Variants in SLC44A3 observed in about 807,000 individuals in gnomAD.
SLC44A3 encodes solute carrier family 44 member 3, also known as choline transporter-like protein 3.
A neutral mutation model predicts 75.4 loss-of-function variants in SLC44A3; 74 were observed. The observed-to-expected ratio is 0.98, with a 90% CI of 0.81 to 1.19. The LOEUF (loss-of-function observed/expected upper bound fraction) is 1.19, where lower values mean the gene tolerates loss of function less well. Among genes scored for constraint, SLC44A3 ranks in the 50% most tolerant of loss-of-function variants. The pLI is 0.00. For missense variants in SLC44A3, 700 were observed against 778.6 expected, an observed-to-expected ratio of 0.90 and a Z score of 1.20; for synonymous variants, 310 against 296.9, an observed-to-expected ratio of 1.04 and a Z score of -0.45.
At chr1:94,853,912 A>G (rs1362782496) in intron 9 of SLC44A3, among the ~76,000 whole-genome samples, 2 of 150,084 alleles carry the variant, frequency 1.3e-5, no homozygotes, top group Admixed American at 1.3e-4. Flanking sequence ...GCTGAGGTCC[A>G]GCATAATACC....
intron 6 of SLC44A3, among the ~76,000 whole-genome samples, chr1:94,838,098 C>G (rs761342492): frequency 3.9e-5 from 6 of 152,222 alleles, no homozygotes; most frequent in Non-Finnish European, 7.4e-5. Context: ...CCTTGATATA[C>G]TGACTATGTT....
intron 12 of SLC44A3, among the ~76,000 whole-genome samples, chr1:94,883,353 C>A (rs859077): frequency 0.94 from 142,798 of 152,156 alleles, 67,435 homozygotes; most frequent in South Asian, 0.99. Context: ...ACTACACAAA[C>A]TTTGCCAGGT....
Position 94,891,184 on chromosome 1 carries a change from G to C in SLC44A3, c.1537G>C (p.Asp513His). 2 of 1,613,484 alleles carry C rather than the reference G, an allele frequency of 1.2e-6. No homozygotes were observed. The highest frequency in any genetic ancestry group is 1.7e-6 in the Non-Finnish European group (2 of 1,179,658). The change falls in exon 13 of 15, where the codon GAT (aspartate) becomes CAT (histidine). Residue 513 changes from aspartate to histidine, a missense_variant. Transcript: ENST00000271227. Reference sequence around the variant, plus strand: ...GACAGATTTCTGTACATCAGCAAAAGATGCATTCAAAATCTTGTCCAAGAA... The same window carrying C: ...GACAGATTTCTGTACATCAGCAAAACATGCATTCAAAATCTTGTCCAAGAA... ...NGTDFCTSAKDAFKILSKNSS... is the reference protein window; with the variant it reads ...NGTDFCTSAKHAFKILSKNSS...
chr1:94,843,744 A>T (rs1028761350), intron 8 of SLC44A3: 8 of 152,082 alleles, frequency 5.3e-5, no homozygotes, highest in African/African-American at 1.9e-4. Context: ...TGCAATGATG[A>T]TAGGTTTGAT....
intron 11 of SLC44A3, among the ~76,000 whole-genome samples, chr1:94,866,194 G>T (rs976148232): frequency 2.6e-5 from 4 of 152,292 alleles, no homozygotes; most frequent in African/African-American, 9.6e-5. Flanking sequence ...TGATATGTGT[G>T]TGTGCGCATT....
intron 12 of SLC44A3, among the ~76,000 whole-genome samples, chr1:94,877,696 T>G (rs1317249295): frequency 6.6e-6 from 1 of 152,098 alleles, no homozygotes; most frequent in African/African-American, 2.4e-5. Flanking sequence ...TCCCAAAAGT[T>G]TTGGCAAGTG....
At chr1:94,889,932 A>T (rs1571483017) in intron 12 of SLC44A3, among the ~76,000 whole-genome samples, 1 of 151,518 alleles carries the variant, frequency 6.6e-6, no homozygotes, top group Non-Finnish European at 1.5e-5. Flanking sequence ...CTCACCGCAA[A>T]CTCCGCCTCC....
intron 2 of SLC44A3, among the ~76,000 whole-genome samples, chr1:94,821,727 A>G (rs1161363818): frequency 6.6e-6 from 1 of 152,220 alleles, no homozygotes; most frequent in Non-Finnish European, 1.5e-5. Flanking sequence ...GGCCACTTTC[A>G]CGAAATCATC....
chr1:94,858,072 A>G (rs574182806), intron 10 of SLC44A3, among the ~76,000 whole-genome samples: 1 of 152,140 alleles, frequency 6.6e-6, no homozygotes, highest in African/African-American at 2.4e-5. Context: ...TCGGCCTCCC[A>G]AAGTGCTGGG....
At position 94,827,655 on chromosome 1, in the gene SLC44A3, G is replaced by T. The variant is rs765742432; in HGVS notation, c.415+12G>T. ...TGCAAACACCAGTGGTAGGCACTAAGGCCTGGTTTGTTCTTTTCCCCATGA... is the reference window on the plus strand; with the variant it reads ...TGCAAACACCAGTGGTAGGCACTAATGCCTGGTTTGTTCTTTTCCCCATGA... On this transcript the variant is annotated intron_variant, in intron 4 of 14. Transcript: ENST00000271227. 3 of 1,613,872 alleles carry T rather than the reference G, an allele frequency of 1.9e-6. No homozygotes were observed. The Admixed American group carries it at 5.0e-5, about 27-fold the overall frequency.
chr1:94,858,038 T>C (rs1331721834), intron 10 of SLC44A3, among the ~76,000 whole-genome samples: 1 of 152,058 alleles, frequency 6.6e-6, no homozygotes, highest in Non-Finnish European at 1.5e-5. Context: ...GGTCTTGATC[T>C]CTTGACCTCG....
intron 9 of SLC44A3, among the ~76,000 whole-genome samples, chr1:94,856,264 T>C (rs1345167397): frequency 6.6e-6 from 1 of 152,160 alleles, no homozygotes; most frequent in Non-Finnish European, 1.5e-5. Flanking sequence ...TCTCACTCCG[T>C]GCTCAAAATA....
intron 12 of SLC44A3, among the ~76,000 whole-genome samples, chr1:94,878,515 A>G (rs1459494108): frequency 6.6e-6 from 1 of 152,124 alleles, no homozygotes; most frequent in Non-Finnish European, 1.5e-5. Context: ...TACTAACTCA[A>G]AGGAGCTGCC....
intron 9 of SLC44A3, among the ~76,000 whole-genome samples, chr1:94,848,134 C>T (rs1462617763): frequency 6.6e-6 from 1 of 151,038 alleles, no homozygotes; most frequent in Non-Finnish European, 1.5e-5. Flanking sequence ...GAGGCTGAGG[C>T]AGGAGAATAG....
intron 12 of SLC44A3, among the ~76,000 whole-genome samples, chr1:94,880,426 A>T (rs1668820090): frequency 6.6e-6 from 1 of 152,228 alleles, no homozygotes; most frequent in Non-Finnish European, 1.5e-5. Flanking sequence ...ATGCTGAAGT[A>T]TATAAGCCAG....
At chr1:94,840,098 T>A in intron 7 of SLC44A3, 61 bp downstream of exon 7, 3 of 1,436,640 alleles carry the variant, frequency 2.1e-6, no homozygotes, top group Non-Finnish European at 9.8e-7. Flanking sequence ...TTACATTAAG[T>A]ACAGAACTTA....
chr1:94,820,786 G>C, intron 1 of SLC44A3, 163 bp from the exon 2 acceptor site: 2 of 1,370,950 alleles, frequency 1.5e-6, no homozygotes, highest in Middle Eastern at 5.4e-4. Context: ...TTCAAAGGCT[G>C]TGTGAAAGAG....
chr1:94,865,406 G>A (rs1366498756), intron 11 of SLC44A3, among the ~76,000 whole-genome samples: 4 of 152,158 alleles, frequency 2.6e-5, no homozygotes, highest in South Asian at 2.1e-4. Flanking sequence ...GAAAAGGAGA[G>A]GGTTTGAATG....
intron 10 of SLC44A3, among the ~76,000 whole-genome samples, chr1:94,864,015 G>T (rs987611507): frequency 6.6e-6 from 1 of 152,198 alleles, no homozygotes. Flanking sequence ...AGGGTCACCC[G>T]TGGGGTGGCA....
Sources: gnomAD v4.1 joint callset for allele counts (sites outside exome capture counted in the v4.1 genomes callset) on GRCh38, gnomAD v4.1.1 for gene constraint, MANE v1.5 for transcripts, NCBI Gene and HGNC (gene_info 2026-07-23, HGNC 2026-07-21) for gene names.